COL11A1: variants seen among roughly 807,000 people sequenced by gnomAD.
The protein encoded by COL11A1 is collagen alpha-1(XI) chain.
A neutral mutation model predicts 265.2 loss-of-function variants in COL11A1; 74 were observed. The observed-to-expected ratio is 0.28, with a 90% CI of 0.23 to 0.34. The LOEUF (loss-of-function observed/expected upper bound fraction) is 0.34. Ranked by LOEUF, COL11A1 falls within the 10% of genes least tolerant of loss-of-function variation. The probability of loss-of-function intolerance (pLI) is 1.00; values close to 1 mark genes in which losing one functional copy is unlikely to be tolerated. For missense variants in COL11A1, 2,165 were observed against 2,263.6 expected (o/e 0.96, Z 0.88); for synonymous variants, 816 against 727.6 (o/e 1.12, Z -1.96).
intron 1 of COL11A1, among the ~76,000 whole-genome samples, chr1:103,096,872 G>T (rs1426196426): frequency 6.6e-6 from 1 of 152,054 alleles, no homozygotes; most frequent in Non-Finnish European, 1.5e-5. Flanking sequence ...GTCACATAAG[G>T]TTTAGAAATG....
intron 4 of COL11A1, among the ~76,000 whole-genome samples, chr1:103,058,192 T>G (rs1670385700): frequency 6.6e-6 from 1 of 152,172 alleles, no homozygotes; most frequent in Non-Finnish European, 1.5e-5. Flanking sequence ...AGACAACTTA[T>G]TTTCTTAAAC....
chr1:102,947,275 TA>T (rs1446995602), intron 41 of COL11A1, among the ~76,000 whole-genome samples: 11 of 152,268 alleles, frequency 7.2e-5, no homozygotes, highest in African/African-American at 2.6e-4. Flanking sequence ...CAATGCTTTA[TA>T]AAAAATATAT....
intron 54 of COL11A1, among the ~76,000 whole-genome samples, chr1:102,909,526 ATAC>A (rs1654396649): frequency 6.6e-6 from 1 of 152,144 alleles, no homozygotes; most frequent in Non-Finnish European, 1.5e-5. Flanking sequence ...TTTCATTAAT[ATAC>A]TACTATATTT....
intron 5 of COL11A1, among the ~76,000 whole-genome samples, chr1:103,027,434 T>TATATATAC (rs1553239754): frequency 5.6e-4 from 45 of 80,026 alleles, no homozygotes; most frequent in Non-Finnish European, 1.2e-3. Context: ...TATATATATA[T>TATATATAC]ATATATATAT....
rs368644959 is a variant in COL11A1 at position 102,913,650 on chromosome 1, T to C, written c.4019A>G (p.Asp1340Gly). The change falls in exon 53 of 67, where the codon GAT becomes GGT. Residue 1340 changes from aspartate (D) to glycine (G), a missense_variant. Asp to Gly is a moderately conservative substitution (Grantham distance 94). Transcript: ENST00000370096. ...GVGGDKGEDG[D>G]PGQPGPPGPS... ...GCATTTACTCACCGGTTGACCAGGA[T>C]CTCCATCTTCACCCTTGTCACCACC... is the stretch of plus-strand genomic sequence containing the variant. 1 of 1,613,452 alleles carries C rather than the reference T, an allele frequency of 6.2e-7. No homozygotes were observed. The highest frequency in any genetic ancestry group is 1.3e-5 in the African/African-American group (1 of 74,890).
chr1:103,022,336 A>G (rs908334704), intron 8 of COL11A1, among the ~76,000 whole-genome samples: 2 of 152,122 alleles, frequency 1.3e-5, no homozygotes, highest in African/African-American at 4.8e-5. Flanking sequence ...TCTTATAAAC[A>G]TGTTTTATAA....
intron 4 of COL11A1, among the ~76,000 whole-genome samples, chr1:103,045,610 T>C (rs1431052269): frequency 6.6e-6 from 1 of 152,022 alleles, no homozygotes; most frequent in Non-Finnish European, 1.5e-5. Flanking sequence ...ATATCAATAT[T>C]CTTTTTTTAA....
At chr1:102,925,883 T>C (rs1304959477) in intron 46 of COL11A1, among the ~76,000 whole-genome samples, 1 of 152,070 alleles carries the variant, frequency 6.6e-6, no homozygotes, top group Admixed American at 6.5e-5. Flanking sequence ...AATTTAAAAT[T>C]ACATTCCTTA....
At chr1:103,090,349 T>G (rs961988534) in intron 1 of COL11A1, among the ~76,000 whole-genome samples, 4 of 152,062 alleles carry the variant, frequency 2.6e-5, no homozygotes, top group Non-Finnish European at 5.9e-5. Flanking sequence ...AAAACCAGTA[T>G]TGCTACTATG....
chr1:103,010,578 CT>C lies in COL11A1; in HGVS notation c.1629+1834del, dbSNP rs568782384. On this transcript the variant is annotated intron_variant, in intron 14 of 66. Coordinates refer to ENST00000370096, the MANE Select transcript of COL11A1 (RefSeq NM_001854.4). Reference sequence around the variant, plus strand: ...AATAAGAACTGCTAATATAATGTGCCTCCCTTGTTTCTGCTCATTGCTGCCG... The same window carrying C: ...AATAAGAACTGCTAATATAATGTGCCCCCTTGTTTCTGCTCATTGCTGCCG... 2.9e-3 allele frequency among the ~76,000 whole-genome samples: 436 copies of C among 152,256 alleles called. 4 individuals carry two copies. The highest frequency in any genetic ancestry group is 5.2e-3 in the Non-Finnish European group (356 of 68,016).
chr1:102,926,351 T>C (rs1333258592), intron 46 of COL11A1, among the ~76,000 whole-genome samples: 7 of 151,510 alleles, frequency 4.6e-5, no homozygotes, highest in Non-Finnish European at 1.0e-4. Flanking sequence ...AGGCCAAGAA[T>C]GCACACTCTC....
intron 28 of COL11A1, among the ~76,000 whole-genome samples, chr1:102,990,273 C>T (rs1664005379): frequency 6.6e-6 from 1 of 152,032 alleles, no homozygotes; most frequent in South Asian, 2.1e-4. Context: ...GAGTAGCACA[C>T]AGAATGAATA....
chr1:103,106,003 T>C (rs919948011), intron 1 of COL11A1, among the ~76,000 whole-genome samples: 1 of 152,150 alleles, frequency 6.6e-6, no homozygotes, highest in Admixed American at 6.5e-5. Flanking sequence ...CAACAAAATC[T>C]AATCCTTATA....
chr1:102,878,475 CATATATATATATATAT>C (rs57574729), intron 66 of COL11A1, among the ~76,000 whole-genome samples: 7 of 49,858 alleles, frequency 1.4e-4, no homozygotes, highest in African/African-American at 2.2e-4. Context: ...ATTGAATCCT[CATATATATATATATAT>C]ATATATATAT....
At chr1:102,891,015 T>C (rs1400240946) in intron 57 of COL11A1, among the ~76,000 whole-genome samples, 2 of 152,118 alleles carry the variant, frequency 1.3e-5, no homozygotes, top group African/African-American at 4.8e-5. Flanking sequence ...TTGTATATGT[T>C]AGAATGGTTG....
At chr1:103,047,713 C>A (rs932415536) in intron 4 of COL11A1, among the ~76,000 whole-genome samples, 2 of 150,980 alleles carry the variant, frequency 1.3e-5, no homozygotes, top group African/African-American at 4.9e-5. Flanking sequence ...CAGTTTTTGC[C>A]CATTCAGTAT....
At chr1:102,984,469 G>T (rs1383227808) in intron 30 of COL11A1, among the ~76,000 whole-genome samples, 3 of 151,986 alleles carry the variant, frequency 2.0e-5, no homozygotes, top group Non-Finnish European at 4.4e-5. Context: ...GTTTTAAAGA[G>T]AACTCTGCAC....
At chr1:102,983,456 C>T (rs554718519) in intron 31 of COL11A1, among the ~76,000 whole-genome samples, 1 of 152,042 alleles carries the variant, frequency 6.6e-6, no homozygotes, top group South Asian at 2.1e-4. Flanking sequence ...AGTGTTCTTA[C>T]AAGAGACAGA....
At chr1:103,037,252 T>TTGTGTGTGTGTGTGTGTG (rs10582908) in intron 4 of COL11A1, among the ~76,000 whole-genome samples, 1 of 145,138 alleles carries the variant, frequency 6.9e-6, no homozygotes, top group African/African-American at 2.6e-5. Context: ...TACATTTAGA[T>TTGTGTGTGTGTGTGTGTG]TGTGTGTGTG....
Sources: gnomAD v4.1 joint callset for allele counts (sites outside exome capture counted in the v4.1 genomes callset) on GRCh38, gnomAD v4.1.1 for gene constraint, MANE v1.5 for transcripts, NCBI Gene and HGNC (gene_info 2026-07-23, HGNC 2026-07-21) for gene names.